The following XIRP2 variants were observed in gnomAD, a reference collection of about 807,000 sequenced individuals.
XIRP2 encodes the protein xin actin binding repeat containing 2.
XIRP2 carries 236 observed loss-of-function variants against 277.0 expected under a neutral mutation model. That is an observed-to-expected ratio of 0.85 (90% CI 0.77 to 0.95). The LOEUF (loss-of-function observed/expected upper bound fraction) is 0.95. Ranked by LOEUF, XIRP2 falls within the 40% of genes least tolerant of loss-of-function variation. XIRP2 has a pLI of 0.00. For missense variants in XIRP2, 4,640 were observed against 4,157.5 expected, an observed-to-expected ratio of 1.12 and a Z score of -3.19; for synonymous variants, 1,490 against 1,416.5, an observed-to-expected ratio of 1.05 and a Z score of -1.17.
At chr2:167,139,880 G>A (rs987744324) in intron 3 of XIRP2, among the ~76,000 whole-genome samples, 2 of 152,152 alleles carry the variant, frequency 1.3e-5, no homozygotes, top group Non-Finnish European at 2.9e-5. Flanking sequence ...TAATTTCATT[G>A]AATTTTAAGT....
rs1321383268 is a variant in XIRP2 at position 166,903,804 on chromosome 2, G to C, written c.322G>C (p.Glu108Gln). 1 of 1,613,552 alleles carries C rather than the reference G, an allele frequency of 6.2e-7. No individual in the cohort carries two copies. Among genetic ancestry groups the C allele is most frequent in the Non-Finnish European group, 8.5e-7 (1 of 1,179,778 alleles). Residue 108 changes from glutamate to glutamine, a missense_variant, in exon 2 of 11, where the codon GAA becomes CAA. By Grantham distance (29) the Glu-to-Gln change is conservative (BLOSUM62 2). Coordinates refer to ENST00000409195, the MANE Select transcript of XIRP2 (RefSeq NM_152381.6). ...TTCCCTGAGCAGTCGGCGCAGGATT[G>C]AACGCTTTTCCATTGCCCTTGATGA... ...EDSLSSRRRI[E>Q]RFSIALDELR... is the part of the protein sequence containing the mutation.
intron 2 of XIRP2, among the ~76,000 whole-genome samples, chr2:167,015,055 C>T (rs1477208210): frequency 6.6e-6 from 1 of 151,824 alleles, no homozygotes; most frequent in Non-Finnish European, 1.5e-5. Context: ...ATATGCCTGG[C>T]TCCTATTTCT....
intron 2 of XIRP2, among the ~76,000 whole-genome samples, chr2:167,090,299 C>A (rs909228044): frequency 6.6e-6 from 1 of 151,970 alleles, no homozygotes; most frequent in Non-Finnish European, 1.5e-5. Flanking sequence ...ACAACTGATA[C>A]GTGATTGAGT....
At chr2:167,074,311 A>G (rs1689507712) in intron 2 of XIRP2, among the ~76,000 whole-genome samples, 1 of 152,152 alleles carries the variant, frequency 6.6e-6, no homozygotes, top group Non-Finnish European at 1.5e-5. Context: ...ATCTTCAAAC[A>G]TTGATTCAAT....
At chr2:166,969,876 C>T (rs1371181020) in intron 2 of XIRP2, among the ~76,000 whole-genome samples, 1 of 151,876 alleles carries the variant, frequency 6.6e-6, no homozygotes, top group Admixed American at 6.6e-5. Context: ...ATCCTTAAAA[C>T]CTCTTCTAAG....
At chr2:166,890,569 A>C (rs1013665802) in intron 1 of XIRP2, among the ~76,000 whole-genome samples, 1 of 152,182 alleles carries the variant, frequency 6.6e-6, no homozygotes, top group East Asian at 1.9e-4. Flanking sequence ...AGTAAACTCT[A>C]AAAGTTTGTT....
chr2:166,913,321 C>G (rs1054188840), intron 2 of XIRP2, among the ~76,000 whole-genome samples: 8 of 151,708 alleles, frequency 5.3e-5, no homozygotes, highest in Admixed American at 3.9e-4. Context: ...CCCCCCCCCC[C>G]CAGCCTCGCT....
At chr2:167,015,642 T>C (rs1687804859) in intron 2 of XIRP2, among the ~76,000 whole-genome samples, 1 of 151,818 alleles carries the variant, frequency 6.6e-6, no homozygotes, top group Admixed American at 6.6e-5. Context: ...ATTGCTCTAA[T>C]AAGATTGTGT....
At chr2:167,061,850 A>T (rs1017487654) in intron 2 of XIRP2, among the ~76,000 whole-genome samples, 3 of 152,072 alleles carry the variant, frequency 2.0e-5, no homozygotes, top group Non-Finnish European at 4.4e-5. Flanking sequence ...TATGAGCCTG[A>T]TGACAACTTG....
intron 2 of XIRP2, among the ~76,000 whole-genome samples, chr2:167,050,867 C>T (rs1688896688): frequency 6.6e-6 from 1 of 151,494 alleles, no homozygotes; most frequent in East Asian, 1.9e-4. Context: ...GGGAGAAGCT[C>T]AATGAAGATG....
At chr2:167,164,010 A>G (rs1003106656) in intron 3 of XIRP2, among the ~76,000 whole-genome samples, 1 of 152,136 alleles carries the variant, frequency 6.6e-6, no homozygotes, top group African/African-American at 2.4e-5. Context: ...CCAGTATCAC[A>G]TTGTCTTGGT....
intron 2 of XIRP2, among the ~76,000 whole-genome samples, chr2:167,070,070 C>T (rs915087555): frequency 6.6e-6 from 1 of 152,070 alleles, no homozygotes; most frequent in Non-Finnish European, 1.5e-5. Flanking sequence ...CCAGTCCCAA[C>T]TTGCTGAATG....
At chr2:166,912,069 TC>T (rs1167226047) in intron 2 of XIRP2, among the ~76,000 whole-genome samples, 2 of 152,226 alleles carry the variant, frequency 1.3e-5, no homozygotes, top group African/African-American at 2.4e-5. Context: ...CTTTGGTGAA[TC>T]TGACAATTAT....
At chr2:167,046,599 AG>A (rs1299845585) in intron 2 of XIRP2, among the ~76,000 whole-genome samples, 1 of 152,028 alleles carries the variant, frequency 6.6e-6, no homozygotes, top group Non-Finnish European at 1.5e-5. Context: ...GCCATAAAAA[AG>A]GAATGAAATA....
intron 2 of XIRP2, among the ~76,000 whole-genome samples, chr2:167,038,307 A>G (rs2105516039): frequency 6.6e-6 from 1 of 152,098 alleles, no homozygotes; most frequent in Non-Finnish European, 1.5e-5. Context: ...TAGTTTCTCC[A>G]ATTGTAAATG....
Position 167,258,757 on chromosome 2 carries a change from G to T in XIRP2, c.*940G>T. On this transcript the variant is annotated 3_prime_UTR_variant, in exon 11 of 11. Coordinates refer to ENST00000409195, the MANE Select transcript of XIRP2 (RefSeq NM_152381.6). ...AATTTCTTGATCTATTACCCTTGTC[G>T]AGTGAAGCAAATGACACTGCAAATG... 1 of 1,613,254 alleles carries T rather than the reference G, an allele frequency of 6.2e-7. No individual in the cohort carries two copies. Among genetic ancestry groups the T allele is most frequent in the South Asian group, 1.1e-5 (1 of 91,056 alleles).
At chr2:167,116,002 A>G (rs1042930913) in intron 2 of XIRP2, among the ~76,000 whole-genome samples, 6 of 152,136 alleles carry the variant, frequency 3.9e-5, no homozygotes, top group African/African-American at 1.4e-4. Flanking sequence ...AAAACACACT[A>G]TGATTGATTT....
chr2:167,030,081 A>G (rs573112806), intron 2 of XIRP2, among the ~76,000 whole-genome samples: 5 of 151,696 alleles, frequency 3.3e-5, no homozygotes, highest in Non-Finnish European at 7.4e-5. Flanking sequence ...ATTTTTTATT[A>G]TGTCTATTTG....
intron 3 of XIRP2, among the ~76,000 whole-genome samples, chr2:167,205,062 A>T (rs547960383): frequency 6.6e-6 from 1 of 152,262 alleles, no homozygotes; most frequent in Non-Finnish European, 1.5e-5. Context: ...TCTCTAGCAC[A>T]TATTCACATG....
Sources: gnomAD v4.1 joint callset for allele counts (sites outside exome capture counted in the v4.1 genomes callset) on GRCh38, gnomAD v4.1.1 for gene constraint, MANE v1.5 for transcripts, NCBI Gene and HGNC (gene_info 2026-07-23, HGNC 2026-07-21) for gene names.